Variants in TENM2 observed in about 807,000 individuals in gnomAD.
TENM2 encodes the protein teneurin transmembrane protein 2, also known as teneurin-2.
Under a neutral mutation model 245.2 loss-of-function variants are expected in TENM2, and 52 were observed. The ratio of observed to expected loss-of-function variants is 0.21; its 90% confidence interval spans 0.17 to 0.27. The LOEUF is 0.27. TENM2 is among the 10% of genes least tolerant of loss of function. The pLI, the probability that TENM2 is intolerant of heterozygous loss-of-function variation, is 1.00. For synonymous variants in TENM2, 1,363 were observed against 1,438.9 expected, an observed-to-expected ratio of 0.95 and a Z score of 1.19; for missense variants, 3,046 against 3,666.8, an observed-to-expected ratio of 0.83 and a Z score of 4.37.
rs373804157 is a variant in TENM2 at position 168,017,886 on chromosome 5, C to T, written c.1186+24704C>T. Among the ~76,000 whole-genome samples the T allele has an allele frequency of 1.3e-4, 20 of 152,214 alleles. No homozygotes were observed. In the South Asian group the frequency reaches 3.9e-3, roughly 30 times the overall value. On this transcript the variant is annotated intron_variant, in intron 5 of 28. Coordinates refer to ENST00000518659, the Ensembl canonical transcript of TENM2. ...GTTGATGTCATTTGACTCTTCAGGC[C>T]CCCCTTCTCCCGTCACTTTCTTCTT...
chr5:167,601,569 CTG>C (rs1396105526), intron 2 of TENM2, among the ~76,000 whole-genome samples: 15 of 152,342 alleles, frequency 9.8e-5, no homozygotes, highest in Admixed American at 9.1e-4. Flanking sequence ...GAGAGAGTAA[CTG>C]TGTTTTTGGA....
rs146633112 is a variant in TENM2, at chr5:167,778,697, G to C, written c.503-97289G>C. On this transcript the variant is annotated intron_variant, in intron 2 of 28. Transcript: ENST00000518659. ...ATAGTCAACAGCAAAATTTATCATTGTTAGCAGTATAGCACAATTTTTCCT... is the reference window on the plus strand; with the variant it reads ...ATAGTCAACAGCAAAATTTATCATTCTTAGCAGTATAGCACAATTTTTCCT... Among the ~76,000 whole-genome samples, 262 of 152,216 alleles carry C rather than the reference G, an allele frequency of 1.7e-3. 2 individuals carry two copies. Among genetic ancestry groups the C allele is most frequent in the African/African-American group, 5.9e-3 (247 of 41,520 alleles).
intron 2 of TENM2, among the ~76,000 whole-genome samples, chr5:167,509,971 G>A (rs1769823261): frequency 6.6e-6 from 1 of 152,102 alleles, no homozygotes; most frequent in African/African-American, 2.4e-5. Flanking sequence ...GATAACTAAA[G>A]AATGATATGT....
intron 2 of TENM2, among the ~76,000 whole-genome samples, chr5:167,611,660 A>G (rs1777486665): frequency 1.3e-5 from 2 of 152,172 alleles, no homozygotes; most frequent in African/African-American, 4.8e-5. Context: ...TTTATAAACA[A>G]CAGATGTTTG....
intron 2 of TENM2, among the ~76,000 whole-genome samples, chr5:167,827,634 G>GT (rs1209699846): frequency 1.7e-5 from 2 of 114,814 alleles, no homozygotes; most frequent in East Asian, 3.2e-4. Context: ...TGGGCGGGGG[G>GT]GGGGGAACAG....
rs1760686710 is a variant in TENM2 at position 167,375,397 on chromosome 5, C to T, written c.426C>T (p.Ser142=). 5 of 1,551,698 alleles carry T rather than the reference C, an allele frequency of 3.2e-6. No individual in the cohort carries two copies. The East Asian group carries it at 7.3e-5, about 23-fold the overall frequency. ...GAGGGATAAAATCCAGGCGCAGTTC[C>T]GGCCTGTCCAGTCGTGAAAACTCGG... The change falls in exon 2 of 29, where the codon TCC becomes TCT. Residue 142 remains serine (S), a synonymous_variant. Coordinates refer to ENST00000518659, the Ensembl canonical transcript of TENM2.
chr5:167,452,001 G>T (rs570233348), intron 2 of TENM2, among the ~76,000 whole-genome samples: 106 of 152,164 alleles, frequency 7.0e-4, no homozygotes, highest in African/African-American at 2.5e-3. Flanking sequence ...TCAAAATTGG[G>T]GGAGAAAGGT....
intron 3 of TENM2, among the ~76,000 whole-genome samples, chr5:167,915,480 C>T (rs931057496): frequency 6.6e-6 from 1 of 152,170 alleles, no homozygotes; most frequent in African/African-American, 2.4e-5. Context: ...TTCTCCCCTA[C>T]ACCCCCACCA....
At chr5:167,198,243 T>G in the TENM2 span, among the ~76,000 whole-genome samples, 1 of 152,116 alleles carries the variant, frequency 6.6e-6, no homozygotes, top group Non-Finnish European at 1.5e-5. Context: ...TGTTAGGATC[T>G]AAGTTTTAAA....
At chr5:167,084,013 G>A in the TENM2 span, among the ~76,000 whole-genome samples, 18 of 151,900 alleles carry the variant, frequency 1.2e-4, no homozygotes, top group African/African-American at 3.9e-4. Flanking sequence ...TATAAATCAC[G>A]TACTGAAGGT....
At chr5:166,996,211 C>T in the TENM2 span, among the ~76,000 whole-genome samples, 2 of 151,974 alleles carry the variant, frequency 1.3e-5, no homozygotes, top group East Asian at 3.9e-4. Flanking sequence ...GGCGTGGTGG[C>T]GGGCGCTTGT....
chr5:167,985,374 G>A lies in TENM2; in HGVS notation c.948-7570G>A, dbSNP rs563305817. Reference sequence around the variant, plus strand: ...ATTTACTGGGGAGGTCAATTTTCTCGGTAGAACAACAGTCGACACCTGGTT... The same window carrying A: ...ATTTACTGGGGAGGTCAATTTTCTCAGTAGAACAACAGTCGACACCTGGTT... On this transcript the variant is annotated intron_variant, in intron 4 of 28. Coordinates refer to ENST00000518659, the Ensembl canonical transcript of TENM2. 3.3e-5 allele frequency among the ~76,000 whole-genome samples: 5 copies of A among 152,226 alleles called. No homozygotes were observed. In the South Asian group the frequency reaches 8.3e-4, roughly 25 times the overall value.
intron 2 of TENM2, among the ~76,000 whole-genome samples, chr5:167,534,044 A>G (rs1582313797): frequency 6.6e-6 from 1 of 152,220 alleles, no homozygotes; most frequent in Non-Finnish European, 1.5e-5. Flanking sequence ...AAGGAAGGAC[A>G]CATCTGAAGC....
intron 2 of TENM2, among the ~76,000 whole-genome samples, chr5:167,744,305 C>T (rs2150606633): frequency 6.6e-6 from 1 of 152,280 alleles, no homozygotes; most frequent in East Asian, 1.9e-4. Flanking sequence ...TCCTTCCTCA[C>T]TGCTGTATCT....
chr5:167,998,922 A>T (rs988028223), intron 5 of TENM2, among the ~76,000 whole-genome samples: 1 of 152,244 alleles, frequency 6.6e-6, no homozygotes, highest in Admixed American at 6.5e-5. Context: ...AAAGCCTACC[A>T]TGTGTTTAAA....
chr5:167,872,534 AAGAAAGAAAGAAAGAG>A (rs1561881485), intron 2 of TENM2, among the ~76,000 whole-genome samples: 532 of 50,162 alleles, frequency 0.011, 7 homozygotes, highest in African/African-American at 0.026. Flanking sequence ...GAAAGAAAGA[AAGAAAGAAAGAAAGAG>A]AAAGAAAGAA....
intron 2 of TENM2, among the ~76,000 whole-genome samples, chr5:167,635,252 A>G (rs1317589242): frequency 6.6e-6 from 1 of 152,230 alleles, no homozygotes; most frequent in Non-Finnish European, 1.5e-5. Context: ...ATGAATACAT[A>G]TAAGTTTCAG....
intron 6 of TENM2, among the ~76,000 whole-genome samples, chr5:168,058,571 A>G (rs1354613820): frequency 6.6e-6 from 1 of 152,226 alleles, no homozygotes; most frequent in East Asian, 1.9e-4. Flanking sequence ...GTGAAGGTGC[A>G]CTTGACCTGA....
chr5:168,190,382 C>T, exon 14 of TENM2: 1 of 1,613,960 alleles, frequency 6.2e-7, no homozygotes, highest in African/African-American at 1.3e-5. Context: ...CTGCAGTCAG[C>T]CTGTCAGAAC....
Sources: allele counts gnomAD v4.1 joint callset (sites outside exome capture counted in the v4.1 genomes callset), GRCh38; gene constraint gnomAD v4.1.1; transcripts MANE v1.5; gene names NCBI Gene and HGNC (gene_info 2026-07-23, HGNC 2026-07-21).